SPON1: variants seen among roughly 807,000 people sequenced by gnomAD.
The protein encoded by SPON1 is spondin-1.
In SPON1, 52 loss-of-function variants were observed where a neutral mutation model predicts 111.7. The ratio of observed to expected loss-of-function variants is 0.47; its 90% CI spans 0.37 to 0.59. SPON1 has a LOEUF of 0.59. SPON1 is among the 20% of genes least tolerant of loss of function. The probability of loss-of-function intolerance (pLI) is 0.00; values close to 1 mark genes in which losing one functional copy is unlikely to be tolerated. For synonymous variants in SPON1, 410 were observed against 395.8 expected (o/e 1.04, Z -0.43); for missense variants, 957 against 1,068.5 (o/e 0.90, Z 1.46).
intron 6 of SPON1, among the ~76,000 whole-genome samples, chr11:14,137,830 C>T (rs1847610088): frequency 6.6e-6 from 1 of 152,182 alleles, no homozygotes; most frequent in Non-Finnish European, 1.5e-5. Context: ...TTCCTCTTGC[C>T]AGCCTCTGAA....
intron 6 of SPON1, among the ~76,000 whole-genome samples, chr11:14,229,709 G>C (rs1317974041): frequency 5.9e-5 from 9 of 152,174 alleles, no homozygotes; most frequent in Non-Finnish European, 1.2e-4. Context: ...GTGTTTTACA[G>C]ACAAAGAGTC....
chr11:14,259,578 T>G lies in SPON1; in HGVS notation c.1708T>G (p.Cys570Gly), dbSNP rs1591430403. Residue 570 changes from cysteine to glycine, a missense_variant, in exon 13 of 16, where the codon TGC (cysteine) becomes GGC (glycine). Around this residue, in one of 5 missense-constraint regions of SPON1, gnomAD observed 549 missense variants for 606.2 expected, o/e 0.91. Transcript: ENST00000576479. This position sits in a 1 kb window ranked among gnomAD's most constrained non-coding sequence, Gnocchi z 5.0. ...GACCGAGTGGGGCGAGTGGGACGAG[T>G]GCAGCGCCACCTGCGGCATGGGCAT... ...LMTEWGEWDECSATCGMGMKK... is the reference protein window; with the variant it reads ...LMTEWGEWDEGSATCGMGMKK... 6.4e-7 allele frequency: 1 copy of G among 1,554,214 alleles called. No individual in the cohort carries two copies. The highest frequency in any genetic ancestry group is 8.7e-7 in the Non-Finnish European group (1 of 1,148,874).
At chr11:13,991,833 C>G (rs1554911250) in intron 2 of SPON1, among the ~76,000 whole-genome samples, 1 of 152,174 alleles carries the variant, frequency 6.6e-6, no homozygotes, top group African/African-American at 2.4e-5. Context: ...TGCCAGTCTG[C>G]TGGAGTTTGC....
At chr11:14,167,175 G>A (rs1591396732) in intron 6 of SPON1, among the ~76,000 whole-genome samples, 1 of 152,092 alleles carries the variant, frequency 6.6e-6, no homozygotes, top group East Asian at 1.9e-4. Flanking sequence ...ATTTGATGAT[G>A]CTTCCTGTAT....
chr11:13,992,501 G>T lies in SPON1; in HGVS notation c.345+9548G>T, dbSNP rs537889787. On this transcript the variant is annotated intron_variant, in intron 2 of 15. Coordinates refer to ENST00000576479, the MANE Select transcript of SPON1 (RefSeq NM_006108.4). Reference sequence around the variant, plus strand: ...GGATCTTAGTTTGCTGGGCTCCGTGGGGGTGGGACCTGCCGAGCCAGACCA... The same window carrying T: ...GGATCTTAGTTTGCTGGGCTCCGTGTGGGTGGGACCTGCCGAGCCAGACCA... Among the ~76,000 whole-genome samples the T allele has an allele frequency of 3.5e-4, 54 of 152,294 alleles. No individual in the cohort carries two copies. In the South Asian group the frequency reaches 6.0e-3, roughly 17 times the overall value.
intron 5 of SPON1, among the ~76,000 whole-genome samples, chr11:14,088,867 T>G (rs1397999806): frequency 6.6e-6 from 1 of 151,972 alleles, no homozygotes; most frequent in Non-Finnish European, 1.5e-5. Flanking sequence ...TCCTCGTGCC[T>G]TATTTTGGTA....
At chr11:14,149,925 G>GA (rs1554929733) in intron 6 of SPON1, among the ~76,000 whole-genome samples, 3 of 125,052 alleles carry the variant, frequency 2.4e-5, no homozygotes, top group Non-Finnish European at 5.3e-5. Context: ...GCATGACTGG[G>GA]AAATCACTTG....
At chr11:14,248,186 A>C (rs918395672) in intron 7 of SPON1, among the ~76,000 whole-genome samples, 8 of 152,196 alleles carry the variant, frequency 5.3e-5, no homozygotes, top group Non-Finnish European at 8.8e-5. Flanking sequence ...CAGGAAGGTC[A>C]TCAGTGACCT....
At chr11:14,196,871 G>A (rs948846390) in intron 6 of SPON1, among the ~76,000 whole-genome samples, 5 of 152,128 alleles carry the variant, frequency 3.3e-5, no homozygotes, top group Non-Finnish European at 7.3e-5. Context: ...CCAACATGGC[G>A]AAACTCTGTC....
At chr11:14,264,488 A>C (rs1448664953) in intron 15 of SPON1, among the ~76,000 whole-genome samples, 1 of 152,170 alleles carries the variant, frequency 6.6e-6, no homozygotes. Flanking sequence ...TAACATGTAC[A>C]TCAAGTTTTC....
intron 5 of SPON1, among the ~76,000 whole-genome samples, chr11:14,117,366 A>G (rs1849274443): frequency 6.6e-6 from 1 of 152,136 alleles, no homozygotes; most frequent in South Asian, 2.1e-4. Flanking sequence ...TTCTATTATT[A>G]GTTTGCTGAT....
chr11:14,260,213 G>A (rs1849156524), intron 13 of SPON1, among the ~76,000 whole-genome samples: 1 of 152,208 alleles, frequency 6.6e-6, no homozygotes, highest in South Asian at 2.1e-4. Context: ...TCAGGACAAT[G>A]TCCAAAAATG....
At chr11:14,230,234 C>T (rs1848783690) in intron 6 of SPON1, among the ~76,000 whole-genome samples, 1 of 152,134 alleles carries the variant, frequency 6.6e-6, no homozygotes, top group South Asian at 2.1e-4. Flanking sequence ...TACTTCTCCC[C>T]CATTCGGGTC....
In SPON1 at chr11:14,256,524, A is replaced by T. The variant is rs369948199; in HGVS notation, c.1234-93A>T. 7.2e-6 allele frequency: 6 copies of T among 828,464 alleles called. 1 individual carries two copies. The East Asian group carries it at 1.5e-4, about 21-fold the overall frequency. The allele number at this position is 828,464 out of a possible 1,614,324, so 51.3% of individuals were successfully genotyped here. ...GCCATGGCATACGATTTGTATACAGAATGGCGATTAGATTTTAGTCCTCTT... is the reference window on the plus strand; with the variant it reads ...GCCATGGCATACGATTTGTATACAGTATGGCGATTAGATTTTAGTCCTCTT... On this transcript the variant is annotated intron_variant, in intron 9 of 15. Coordinates refer to ENST00000576479, the MANE Select transcript of SPON1 (RefSeq NM_006108.4).
intron 7 of SPON1, among the ~76,000 whole-genome samples, chr11:14,250,060 CTT>C (rs1326111210): frequency 6.6e-6 from 1 of 152,128 alleles, no homozygotes; most frequent in Admixed American, 6.5e-5. Flanking sequence ...CTGTTCATAA[CTT>C]TTCTTTATCT....
chr11:14,259,437 C>A lies in SPON1; in HGVS notation c.1650C>A (p.Val550=). 1.2e-6 allele frequency: 2 copies of A among 1,608,876 alleles called. No individual in the cohort carries two copies. Among genetic ancestry groups the A allele is most frequent in the Admixed American group, 1.7e-5 (1 of 59,386 alleles). The change falls in exon 12 of 16, where the codon GTC becomes GTA. Residue 550 remains valine (V), a synonymous_variant. Transcript: ENST00000576479. The surrounding 1 kb of genome is among the most constrained non-coding windows in gnomAD (Gnocchi z 5.0). ...CTGAGGAAACGGAGAAGTGCACGGTCAACGAGGAGTGCTGTGAGTGGGGGC... is the reference window on the plus strand; with the variant it reads ...CTGAGGAAACGGAGAAGTGCACGGTAAACGAGGAGTGCTGTGAGTGGGGGC... The part of the protein sequence containing the change: ...LPTEETEKCT[V]NEECSPSSCL...
intron 6 of SPON1, among the ~76,000 whole-genome samples, chr11:14,216,053 C>T (rs1338137231): frequency 1.3e-5 from 2 of 152,158 alleles, no homozygotes; most frequent in African/African-American, 4.8e-5. Flanking sequence ...GTATTGAGGA[C>T]AATTGTTCAT....
At chr11:14,113,756 C>T (rs1849245710) in intron 5 of SPON1, among the ~76,000 whole-genome samples, 1 of 151,578 alleles carries the variant, frequency 6.6e-6, no homozygotes, top group South Asian at 2.1e-4. Flanking sequence ...GCGCCCGCCA[C>T]CACGCCCGGC....
intron 2 of SPON1, among the ~76,000 whole-genome samples, chr11:14,005,914 C>G (rs968208026): frequency 6.6e-6 from 1 of 152,090 alleles, no homozygotes; most frequent in Admixed American, 6.6e-5. Flanking sequence ...CGGTTTCTTC[C>G]TGCTTGGAAA....
Sources: gnomAD v4.1 joint callset for allele counts (sites outside exome capture counted in the v4.1 genomes callset) on GRCh38, gnomAD v4.1.1 for gene constraint, gnomAD v4.1.1 regional missense constraint, Gnocchi (gnomAD v3.1) non-coding constraint, MANE v1.5 for transcripts, NCBI Gene and HGNC (gene_info 2026-07-23, HGNC 2026-07-21) for gene names.